Variants in PDGFRL observed in about 807,000 individuals in gnomAD.
The protein encoded by PDGFRL is platelet derived growth factor receptor like.
A neutral mutation model predicts 37.2 loss-of-function variants in PDGFRL; 46 were observed. The observed-to-expected ratio is 1.24, with a 90% CI of 0.98 to 1.58. The LOEUF is 1.58. PDGFRL is among the 40% of genes most tolerant of loss of function. PDGFRL has a pLI of 0.00. For missense variants in PDGFRL, 692 were observed against 467.6 expected (o/e 1.48, Z -4.43); for synonymous variants, 251 against 184.3 (o/e 1.36, Z -2.93).
chr8:17,588,662 G>C (rs1288876403), intron 1 of PDGFRL, among the ~76,000 whole-genome samples: 1 of 152,184 alleles, frequency 6.6e-6, no homozygotes, highest in Non-Finnish European at 1.5e-5. Context: ...GACAGAGTGA[G>C]ATTCCGTTTC....
At chr8:17,583,306 C>A (rs1184381253) in intron 1 of PDGFRL, among the ~76,000 whole-genome samples, 1 of 152,104 alleles carries the variant, frequency 6.6e-6, no homozygotes, top group Non-Finnish European at 1.5e-5. Flanking sequence ...CAGTATGCAC[C>A]CTCACCTTGG....
chr8:17,588,650 G>A (rs1803868544), intron 1 of PDGFRL, among the ~76,000 whole-genome samples: 1 of 152,160 alleles, frequency 6.6e-6, no homozygotes, highest in Non-Finnish European at 1.5e-5. Flanking sequence ...TCCAGCCTGG[G>A]TGACAGAGTG....
intron 2 of PDGFRL, among the ~76,000 whole-genome samples, chr8:17,611,969 A>G (rs1414148494): frequency 1.3e-5 from 2 of 152,158 alleles, no homozygotes; most frequent in African/African-American, 4.8e-5. Flanking sequence ...AAGGCTTGCT[A>G]AGATCTGGGA....
rs75812471 is a variant in PDGFRL at position 17,628,559 on chromosome 8, T to C, written c.578T>C (p.Val193Ala). 6.2e-4 allele frequency: 1,008 copies of C among 1,613,948 alleles called. 2 individuals carry two copies. The highest frequency in any genetic ancestry group is 5.4e-3 in the African/African-American group (408 of 75,052). ...TACTTGAACCCGGACAGACAGGCTG[T>C]GGTTCCTTGTCGGGTGACCGTGCTG... Reference protein sequence around the residue: ...VVYLNPDRQAVVPCRVTVLSA... With the variant: ...VVYLNPDRQAAVPCRVTVLSA... Residue 193 changes from valine (V) to alanine (A), a missense_variant, in exon 4 of 6, where the codon GTG becomes GCG. Val to Ala is a moderately conservative substitution (Grantham distance 64). Transcript: ENST00000251630.
At position 17,589,750 on chromosome 8, in the gene PDGFRL, A is replaced by C. The variant is rs370753482; in HGVS notation, c.338A>C (p.Lys113Thr). 1 of 1,603,774 alleles carries C rather than the reference A, an allele frequency of 6.2e-7. No individual in the cohort carries two copies. Among genetic ancestry groups the C allele is most frequent in the African/African-American group, 1.3e-5 (1 of 74,686 alleles). Residue 113 changes from lysine (K) to threonine (T), a missense_variant, in exon 2 of 6, where the codon AAG (lysine) becomes ACG (threonine). Physicochemically the swap from Lys to Thr is moderately conservative, Grantham distance 78. Coordinates refer to ENST00000251630, the MANE Select transcript of PDGFRL (RefSeq NM_001372073.1). Reference sequence around the variant, plus strand: ...TACCCTGCGTATCTGGACACCTTTAAGGATTCTCGCCTCAGGTAAGCATTT... The same window carrying C: ...TACCCTGCGTATCTGGACACCTTTACGGATTCTCGCCTCAGGTAAGCATTT... ...WSYPAYLDTF[K>T]DSRLSVKQNE... is the part of the protein sequence containing the mutation.
chr8:17,623,873 C>CAAAAAAA (rs67846013), intron 3 of PDGFRL, among the ~76,000 whole-genome samples: 7 of 142,012 alleles, frequency 4.9e-5, no homozygotes, highest in African/African-American at 7.9e-5. Context: ...GACTTTACCT[C>CAAAAAAA]AAAAAAAAAA....
intron 2 of PDGFRL, among the ~76,000 whole-genome samples, chr8:17,597,615 A>G (rs1445506479): frequency 6.6e-6 from 1 of 152,148 alleles, no homozygotes; most frequent in African/African-American, 2.4e-5. Flanking sequence ...GAATTGATGT[A>G]TCTGGCTTTA....
At chr8:17,620,287 T>C (rs1228776560) in intron 2 of PDGFRL, among the ~76,000 whole-genome samples, 2 of 152,178 alleles carry the variant, frequency 1.3e-5, no homozygotes, top group Non-Finnish European at 2.9e-5. Context: ...TTTATTTTAG[T>C]GGTGACACAT....
chr8:17,624,299 G>A (rs1736126157), intron 3 of PDGFRL, among the ~76,000 whole-genome samples: 2 of 152,158 alleles, frequency 1.3e-5, no homozygotes, highest in Non-Finnish European at 2.9e-5. Context: ...AAACACTGAA[G>A]CTTCTTTTGG....
intron 1 of PDGFRL, among the ~76,000 whole-genome samples, chr8:17,586,047 G>A (rs1803808242): frequency 6.6e-6 from 1 of 152,158 alleles, no homozygotes; most frequent in Non-Finnish European, 1.5e-5. Context: ...CGTGTCCCAG[G>A]ATCAAACGAT....
At chr8:17,621,344 C>A in intron 3 of PDGFRL, 142 bp downstream of exon 3, 1 of 509,942 alleles carries the variant, frequency 2.0e-6, no homozygotes, top group Non-Finnish European at 3.5e-6. Context: ...AAATGCTTTA[C>A]ATCAGTTATT....
At chr8:17,631,458 C>T (rs1386992832) in intron 4 of PDGFRL, among the ~76,000 whole-genome samples, 1 of 152,120 alleles carries the variant, frequency 6.6e-6, no homozygotes, top group African/African-American at 2.4e-5. Context: ...AGCCATGGTG[C>T]TTATTCAGCA....
At chr8:17,619,239 C>G (rs979702885) in intron 2 of PDGFRL, among the ~76,000 whole-genome samples, 3 of 152,114 alleles carry the variant, frequency 2.0e-5, no homozygotes, top group Non-Finnish European at 4.4e-5. Flanking sequence ...TTTGGCGCCC[C>G]CATGTGCTGA....
At position 17,586,069 on chromosome 8, in the gene PDGFRL, A is replaced by G. The variant is rs1585298659; in HGVS notation, c.56-3399A>G. 2.6e-5 allele frequency among the ~76,000 whole-genome samples: 4 copies of G among 152,252 alleles called. No individual in the cohort carries two copies. The East Asian group carries it at 7.7e-4, about 29-fold the overall frequency. ...CAGGATCAAACGATTCTCATGCCTC[A>G]GCCTCCCAAGTAGCTGGGACTACAG... On this transcript the variant is annotated intron_variant, in intron 1 of 5. Transcript: ENST00000251630.
At chr8:17,632,069 G>A (rs1306647837) in intron 4 of PDGFRL, among the ~76,000 whole-genome samples, 1 of 152,144 alleles carries the variant, frequency 6.6e-6, no homozygotes, top group Non-Finnish European at 1.5e-5. Flanking sequence ...CATCCTCCCT[G>A]GACCTGGTTC....
intron 3 of PDGFRL, among the ~76,000 whole-genome samples, chr8:17,627,332 A>T (rs962809723): frequency 6.6e-6 from 1 of 152,016 alleles, no homozygotes; most frequent in African/African-American, 2.4e-5. Context: ...CTAAAATCCA[A>T]TGTGCTTGTC....
At chr8:17,624,286 T>G (rs1804691045) in intron 3 of PDGFRL, among the ~76,000 whole-genome samples, 1 of 152,212 alleles carries the variant, frequency 6.6e-6, no homozygotes, top group African/African-American at 2.4e-5. Flanking sequence ...AGAGTTTGAT[T>G]AAAAACACTG....
At chr8:17,601,157 A>C (rs987564909) in intron 2 of PDGFRL, among the ~76,000 whole-genome samples, 28 of 152,210 alleles carry the variant, frequency 1.8e-4, no homozygotes, top group African/African-American at 6.8e-4. Context: ...TGATGCTACT[A>C]TCTAAGCATT....
In PDGFRL at chr8:17,582,452, C is replaced by T. The variant is rs192291897; in HGVS notation, c.55+5145C>T. ...AAGAAGTTAGCCTGATGTCGTGGTG[C>T]GCACCTGTAGTCCCAGCTACTTGGG... On this transcript the variant is annotated intron_variant, in intron 1 of 5. Coordinates refer to ENST00000251630, the MANE Select transcript of PDGFRL (RefSeq NM_001372073.1). 9.5e-4 allele frequency among the ~76,000 whole-genome samples: 144 copies of T among 151,914 alleles called. 4 individuals are homozygous for T. In the East Asian group the frequency reaches 0.023, roughly 24 times the overall value.
Sources: allele counts gnomAD v4.1 joint callset (sites outside exome capture counted in the v4.1 genomes callset), GRCh38; gene constraint gnomAD v4.1.1; transcripts MANE v1.5; gene names NCBI Gene and HGNC (gene_info 2026-07-23, HGNC 2026-07-21).